PLB1: variants seen among roughly 807,000 people sequenced by gnomAD.
PLB1 encodes phospholipase B1, membrane-associated.
A neutral mutation model predicts 227.4 loss-of-function variants in PLB1; 242 were observed. The ratio of observed to expected loss-of-function variants is 1.06; its 90% CI spans 0.96 to 1.18. The LOEUF (loss-of-function observed/expected upper bound fraction) is 1.18. Ranked by LOEUF, PLB1 falls within the 50% of genes most tolerant of loss-of-function variation. The probability of loss-of-function intolerance (pLI) is 0.00; values close to 1 mark genes in which losing one functional copy is unlikely to be tolerated. For missense variants in PLB1, 1,858 were observed against 1,816.3 expected (o/e 1.02, Z -0.42); for synonymous variants, 757 against 682.2 (o/e 1.11, Z -1.71).
intron 17 of PLB1, among the ~76,000 whole-genome samples, chr2:28,558,721 G>A (rs1212126336): frequency 6.6e-6 from 1 of 150,522 alleles, no homozygotes; most frequent in African/African-American, 2.5e-5. Flanking sequence ...GTGTGTGTGT[G>A]TAAGGGTGGA....
At chr2:28,532,028 A>G in intron 8 of PLB1, 80 bp from the exon 9 acceptor site, 1 of 1,116,490 alleles carries the variant, frequency 9.0e-7, no homozygotes, top group Non-Finnish European at 1.3e-6. Context: ...TATGAAATGG[A>G]AAGACATGAA....
chr2:28,602,828 G>C lies in PLB1; in HGVS notation c.2681G>C (p.Arg894Thr). Residue 894 changes from arginine to threonine, a missense_variant, in exon 39 of 58, where the codon AGA becomes ACA. Arg to Thr is a moderately conservative substitution (Grantham distance 71). Coordinates refer to ENST00000327757, the MANE Select transcript of PLB1 (RefSeq NM_153021.5). ...ALDVLHREVP[R>T]VLVNLVDFLN... ...CTGCAGCTTTTCCCTTAGGTGCCCA[G>C]AGTCCTGGTCAACCTCGTGGACTTC... The C allele has an allele frequency of 6.2e-7, 1 of 1,614,078 alleles. No homozygotes were observed. Among genetic ancestry groups the C allele is most frequent in the South Asian group, 1.1e-5 (1 of 91,088 alleles).
intron 8 of PLB1, among the ~76,000 whole-genome samples, chr2:28,530,560 T>G (rs1444797774): frequency 6.6e-6 from 1 of 152,260 alleles, no homozygotes; most frequent in Non-Finnish European, 1.5e-5. Flanking sequence ...ACATACATGC[T>G]GGGTGCCTTG....
chr2:28,547,911 A>G (rs1002535115), intron 14 of PLB1, among the ~76,000 whole-genome samples: 1 of 152,146 alleles, frequency 6.6e-6, no homozygotes, highest in Admixed American at 6.5e-5. Context: ...CCCTATGTCT[A>G]ATGCTTTACT....
chr2:28,562,552 A>AAAAAAAAAAAAAAAAAAAC (rs1462172883), intron 17 of PLB1, among the ~76,000 whole-genome samples: 1 of 150,436 alleles, frequency 6.6e-6, no homozygotes, highest in African/African-American at 2.4e-5. Flanking sequence ...AAAAAAAAAA[A>AAAAAAAAAAAAAAAAAAAC]AAAAAAAGTC....
intron 56 of PLB1, among the ~76,000 whole-genome samples, chr2:28,639,253 C>G (rs1305272746): frequency 6.6e-6 from 1 of 151,494 alleles, no homozygotes; most frequent in African/African-American, 2.4e-5. Flanking sequence ...GTCCAGAGAG[C>G]TAAGAGAAGT....
chr2:28,606,004 C>T, intron 42 of PLB1, 56 bp downstream of exon 42: 1 of 1,398,268 alleles, frequency 7.2e-7, no homozygotes, highest in Non-Finnish European at 1.0e-6. Flanking sequence ...GGCAGGGCAC[C>T]AGCCCCTATA....
At chr2:28,530,198 G>A (rs964608881) in intron 8 of PLB1, among the ~76,000 whole-genome samples, 3 of 152,092 alleles carry the variant, frequency 2.0e-5, no homozygotes, top group African/African-American at 2.4e-5. Flanking sequence ...CCTTGTGGTC[G>A]TGCTGAAAGT....
intron 14 of PLB1, among the ~76,000 whole-genome samples, chr2:28,547,933 C>T (rs1035387560): frequency 6.6e-6 from 1 of 152,148 alleles, no homozygotes; most frequent in Admixed American, 6.5e-5. Context: ...AGTTGATAAT[C>T]TGCTGGTTTC....
intron 25 of PLB1, 65 bp from the exon 26 acceptor site, chr2:28,585,696 C>G: frequency 7.6e-7 from 1 of 1,307,862 alleles, no homozygotes; most frequent in East Asian, 2.3e-5. Flanking sequence ...GCCAGCGTTT[C>G]TGCATCACTT....
chr2:28,541,880 C>G, intron 13 of PLB1, 69 bp downstream of exon 13: 1 of 1,318,446 alleles, frequency 7.6e-7, no homozygotes, highest in East Asian at 2.3e-5. Context: ...CTCCTGTAAT[C>G]CCAGCACTTT....
intron 8 of PLB1, 123 bp downstream of exon 8, chr2:28,529,902 T>G (rs1043237926): frequency 6.1e-6 from 5 of 822,834 alleles, no homozygotes; most frequent in African/African-American, 1.7e-5. Context: ...GTGACCTGGG[T>G]TCTTTAAAAA....
chr2:28,516,986 A>C, intron 2 of PLB1, 117 bp downstream of exon 2: 1 of 1,004,696 alleles, frequency 1.0e-6, no homozygotes, highest in African/African-American at 1.6e-5. Flanking sequence ...TGAGGCCTTG[A>C]GGGAATGGGC....
intron 32 of PLB1, among the ~76,000 whole-genome samples, chr2:28,593,249 G>A (rs77543953): frequency 0.068 from 10,393 of 152,298 alleles, 445 homozygotes; most frequent in Non-Finnish European, 0.086. Context: ...CAGAGGGAAA[G>A]AGGAGAAATG....
At position 28,539,175 on chromosome 2, in the gene PLB1, T is replaced by C; in HGVS notation, c.695T>C (p.Leu232Pro). ...TCTCGTCAGTATCACGGCACTTGGC[T>C]CAGGTAAAAGGGGAAGTGGAATGAG... ...EVSRQYHGTW[L>P]SPAPEPCNCS... The change falls in exon 11 of 58, where the codon CTC (leucine) becomes CCC (proline). Residue 232 changes from leucine (L) to proline (P), a missense_variant. Coordinates refer to ENST00000327757, the MANE Select transcript of PLB1 (RefSeq NM_153021.5). 5 of 1,612,902 alleles carry C rather than the reference T, an allele frequency of 3.1e-6. No homozygotes were observed. The highest frequency in any genetic ancestry group is 4.2e-6 in the Non-Finnish European group (5 of 1,178,920).
chr2:28,499,523 G>GTTTT (rs112085758), intron 1 of PLB1, among the ~76,000 whole-genome samples: 1 of 136,746 alleles, frequency 7.3e-6, no homozygotes, highest in Non-Finnish European at 1.6e-5. Flanking sequence ...CTGCACAACA[G>GTTTT]TTTTTTTTTT....
At chr2:28,560,704 A>G (rs538297576) in intron 17 of PLB1, among the ~76,000 whole-genome samples, 2 of 152,350 alleles carry the variant, frequency 1.3e-5, no homozygotes, top group South Asian at 4.1e-4. Context: ...TGAAAACATT[A>G]TGCAAAGTAG....
At chr2:28,564,405 T>C (rs759415767) in intron 18 of PLB1, among the ~76,000 whole-genome samples, 2 of 152,172 alleles carry the variant, frequency 1.3e-5, no homozygotes, top group Non-Finnish European at 2.9e-5. Context: ...AGCCACTCTT[T>C]ACCCCAAAGA....
At chr2:28,503,212 G>A (rs1667292568) in intron 1 of PLB1, among the ~76,000 whole-genome samples, 1 of 151,540 alleles carries the variant, frequency 6.6e-6, no homozygotes, top group Non-Finnish European at 1.5e-5. Context: ...GAGTGCAGTG[G>A]CCTGATCACA....
Sources: gnomAD v4.1 joint callset for allele counts (sites outside exome capture counted in the v4.1 genomes callset) on GRCh38, gnomAD v4.1.1 for gene constraint, MANE v1.5 for transcripts, NCBI Gene and HGNC (gene_info 2026-07-23, HGNC 2026-07-21) for gene names.